The following SLC14A2 variants were observed in gnomAD, a reference collection of about 807,000 sequenced individuals.
SLC14A2 encodes the protein solute carrier family 14 member 2, also known as urea transporter 2.
Under a neutral mutation model 104.6 loss-of-function variants are expected in SLC14A2, and 91 were observed. The observed-to-expected ratio is 0.87, with a 90% confidence interval of 0.73 to 1.04. SLC14A2 has a LOEUF of 1.04. Ranked by LOEUF, SLC14A2 falls within the 50% of genes least tolerant of loss-of-function variation. The pLI, the probability that SLC14A2 is intolerant of heterozygous loss-of-function variation, is 0.00. For missense variants in SLC14A2, 1,189 were observed against 1,156.0 expected, an observed-to-expected ratio of 1.03 and a Z score of -0.41; for synonymous variants, 476 against 466.4, an observed-to-expected ratio of 1.02 and a Z score of -0.27.
intron 1 of SLC14A2, among the ~76,000 whole-genome samples, chr18:45,339,489 T>G (rs2085371583): frequency 6.6e-6 from 1 of 152,170 alleles, no homozygotes; most frequent in Admixed American, 6.6e-5. Context: ...ACCTCTGAAG[T>G]ATGCAGTCCT....
chr18:45,237,432 A>G (rs562233877), intron 1 of SLC14A2, among the ~76,000 whole-genome samples: 39 of 152,146 alleles, frequency 2.6e-4, no homozygotes, highest in Non-Finnish European at 4.0e-4. Flanking sequence ...AGATCCCAGC[A>G]CTCAGCCTTC....
At chr18:45,397,967 A>G (rs2086054512) in intron 1 of SLC14A2, among the ~76,000 whole-genome samples, 3 of 152,134 alleles carry the variant, frequency 2.0e-5, no homozygotes, top group Admixed American at 2.0e-4. Context: ...CGAAACTGCC[A>G]GTTTACATCA....
At chr18:45,640,995 G>A (rs1211345622) in intron 7 of SLC14A2, among the ~76,000 whole-genome samples, 1 of 152,242 alleles carries the variant, frequency 6.6e-6, no homozygotes, top group African/African-American at 2.4e-5. Context: ...AGTGAAGCCT[G>A]TGGCTTTGAC....
chr18:45,497,016 GAGCCACTACC>G (rs1238321872), intron 2 of SLC14A2, among the ~76,000 whole-genome samples: 5 of 152,158 alleles, frequency 3.3e-5, no homozygotes, highest in Admixed American at 2.6e-4. Flanking sequence ...GACTCAGACT[GAGCCACTACC>G]AGCTTCTCTC....
At chr18:45,388,297 C>T (rs188693254) in intron 1 of SLC14A2, among the ~76,000 whole-genome samples, 106 of 152,056 alleles carry the variant, frequency 7.0e-4, no homozygotes, top group Non-Finnish European at 1.2e-3. Context: ...CTCCTGACCT[C>T]GTGATCCACC....
chr18:45,229,927 C>G (rs978154344), intron 1 of SLC14A2, among the ~76,000 whole-genome samples: 19 of 151,974 alleles, frequency 1.3e-4, no homozygotes, highest in Admixed American at 1.2e-3. Flanking sequence ...GTGCTTGCTA[C>G]ACAGCCTTGG....
At chr18:45,183,267 G>A in the SLC14A2 span, among the ~76,000 whole-genome samples, 216 of 152,218 alleles carry the variant, frequency 1.4e-3, no homozygotes, top group African/African-American at 4.6e-3. Context: ...TGTCAGTTCC[G>A]TGAAGGCTGA....
intron 2 of SLC14A2, chr18:45,483,479 C>T (rs1215313969): frequency 1.3e-5 from 2 of 151,908 alleles, no homozygotes; most frequent in Non-Finnish European, 2.9e-5. Context: ...AAGATCTCCT[C>T]CTTGAGTCTT....
intron 11 of SLC14A2, among the ~76,000 whole-genome samples, chr18:45,665,693 T>TTGTTTC (rs2046009553): frequency 2.0e-5 from 1 of 50,486 alleles, no homozygotes; most frequent in Non-Finnish European, 5.8e-5. Flanking sequence ...AGTTTCTTTT[T>TTGTTTC]TTTTTTTTTT....
chr18:45,341,671 C>T (rs1342479198), intron 1 of SLC14A2, among the ~76,000 whole-genome samples: 2 of 140,454 alleles, frequency 1.4e-5, no homozygotes, highest in South Asian at 2.2e-4. Flanking sequence ...CGGCTCCCTG[C>T]AACCTCTGCC....
intron 2 of SLC14A2, among the ~76,000 whole-genome samples, chr18:45,602,260 T>A (rs979554626): frequency 6.6e-6 from 1 of 152,208 alleles, no homozygotes; most frequent in Non-Finnish European, 1.5e-5. Flanking sequence ...CAGTCCTTAA[T>A]GAAAATGTCA....
intron 1 of SLC14A2, among the ~76,000 whole-genome samples, chr18:45,304,457 T>C (rs180985973): frequency 1.3e-5 from 2 of 152,340 alleles, no homozygotes; most frequent in Admixed American, 1.3e-4. Context: ...CAAGAAGGGA[T>C]AGGCAAGTCT....
rs1232529993 is a variant in SLC14A2, at chr18:45,683,239, C to T, written c.*720C>T. 1 of 152,236 alleles carries T rather than the reference C, an allele frequency of 6.6e-6. No homozygotes were observed. Among genetic ancestry groups the T allele is most frequent in the African/African-American group, 2.4e-5 (1 of 41,436 alleles). 9.4% of individuals were successfully genotyped at this position (152,236 alleles called of 1,614,324 possible). A position where few individuals can be genotyped will look rare whatever the true frequency, so the allele number is the denominator to read the frequency against. Reference sequence around the variant, plus strand: ...GGCAAGAGGGTTGGTTCTGCCCCAGCTCTGCTGCTAATGAGCCCCTACCAG... The same window carrying T: ...GGCAAGAGGGTTGGTTCTGCCCCAGTTCTGCTGCTAATGAGCCCCTACCAG... On this transcript the variant is annotated 3_prime_UTR_variant, in exon 20 of 20. Coordinates refer to ENST00000255226, the MANE Select transcript of SLC14A2 (RefSeq NM_007163.4).
chr18:45,587,547 T>C (rs1417697271), intron 2 of SLC14A2, among the ~76,000 whole-genome samples: 1 of 152,200 alleles, frequency 6.6e-6, no homozygotes, highest in Non-Finnish European at 1.5e-5. Context: ...TCTAGTTCAC[T>C]GTCAGCACCA....
chr18:45,458,675 C>A (rs2144633354), intron 1 of SLC14A2, among the ~76,000 whole-genome samples: 1 of 152,282 alleles, frequency 6.6e-6, no homozygotes, highest in East Asian at 1.9e-4. Context: ...CCAGCCTCCT[C>A]TTTTCACAGA....
chr18:45,274,564 C>A (rs1379016091), intron 1 of SLC14A2, among the ~76,000 whole-genome samples: 3 of 152,164 alleles, frequency 2.0e-5, no homozygotes, highest in Admixed American at 1.3e-4. Context: ...TGCCTTTGTT[C>A]TTTGAGTTAC....
chr18:45,539,545 C>T (rs1196028532), intron 2 of SLC14A2, among the ~76,000 whole-genome samples: 1 of 152,184 alleles, frequency 6.6e-6, no homozygotes, highest in Non-Finnish European at 1.5e-5. Flanking sequence ...CCATGTCAGC[C>T]AGCTCTGCTG....
intron 1 of SLC14A2, among the ~76,000 whole-genome samples, chr18:45,235,861 ATGTG>A (rs543206378): frequency 1.5e-4 from 15 of 97,228 alleles, no homozygotes; most frequent in African/African-American, 3.5e-4. Context: ...ATATACATAT[ATGTG>A]TGTATATATG....
intron 11 of SLC14A2, 105 bp downstream of exon 11, chr18:45,664,012 G>A: frequency 7.2e-6 from 9 of 1,244,758 alleles, no homozygotes; most frequent in Non-Finnish European, 9.8e-6. Flanking sequence ...GAGACCCGCT[G>A]GAGTCAGACT....
Sources: allele counts gnomAD v4.1 joint callset (sites outside exome capture counted in the v4.1 genomes callset), GRCh38; gene constraint gnomAD v4.1.1; transcripts MANE v1.5; gene names NCBI Gene and HGNC (gene_info 2026-07-23, HGNC 2026-07-21).